ZNF469: variants seen among roughly 807,000 people sequenced by gnomAD.
ZNF469 encodes the protein zinc finger protein 469.
Under a neutral mutation model 1.0 loss-of-function variants are expected in ZNF469, and 1 was observed. That is an observed-to-expected ratio of 1.00 (90% CI 0.35 to 4.73). ZNF469 has a LOEUF of 4.73. Among genes scored for constraint, ZNF469 ranks in the 30% most tolerant of loss-of-function variants. ZNF469 has a pLI of 0.16. For synonymous variants in ZNF469, 2,703 were observed against 2,363.4 expected (o/e 1.14, Z -4.17); for missense variants, 6,100 against 5,356.3 (o/e 1.14, Z -4.33).
the ZNF469 span, among the ~76,000 whole-genome samples, chr16:88,142,738 G>A: frequency 1.7e-4 from 26 of 152,330 alleles, no homozygotes; most frequent in African/African-American, 5.3e-4. Context: ...CTCACCCTGC[G>A]GGGAGTCGGC....
chr16:88,200,978 C>A, the ZNF469 span, among the ~76,000 whole-genome samples: 7 of 152,318 alleles, frequency 4.6e-5, no homozygotes, highest in South Asian at 1.5e-3. Context: ...TGTGTGTGGG[C>A]GAGAGGGCCG....
chr16:88,102,553 G>C, the ZNF469 span, among the ~76,000 whole-genome samples: 2 of 152,362 alleles, frequency 1.3e-5, no homozygotes, highest in East Asian at 3.9e-4. Flanking sequence ...AACATGGGCA[G>C]GGCTTCTTGC....
the ZNF469 span, among the ~76,000 whole-genome samples, chr16:88,290,603 T>C: frequency 6.6e-6 from 1 of 152,324 alleles, no homozygotes. Context: ...GTCTGAACAA[T>C]CCTAGTACCG....
At chr16:88,289,285 GTGATGA>G in the ZNF469 span, among the ~76,000 whole-genome samples, 841 of 150,590 alleles carry the variant, frequency 5.6e-3, 6 homozygotes, top group African/African-American at 0.02. Context: ...GAGGGTGATG[GTGATGA>G]TGATGGTGAT....
chr16:88,389,972 GC>G (rs1904439408), intron 1 of ZNF469, among the ~76,000 whole-genome samples: 1 of 152,050 alleles, frequency 6.6e-6, no homozygotes, highest in Admixed American at 6.5e-5. Flanking sequence ...GGTGGGGTCG[GC>G]CTGCGGAGGG....
At chr16:88,161,714 GA>G in the ZNF469 span, among the ~76,000 whole-genome samples, 202 of 151,028 alleles carry the variant, frequency 1.3e-3, no homozygotes, top group African/African-American at 4.6e-3. Context: ...TTTGTAAGGG[GA>G]AAAAAAAAGC....
the ZNF469 span, among the ~76,000 whole-genome samples, chr16:88,101,827 CA>C: frequency 1.3e-5 from 2 of 152,138 alleles, no homozygotes; most frequent in African/African-American, 4.8e-5. Flanking sequence ...TCGCAGCTTC[CA>C]AACATAAACT....
At chr16:88,112,927 G>A in the ZNF469 span, among the ~76,000 whole-genome samples, 5 of 152,060 alleles carry the variant, frequency 3.3e-5, no homozygotes, top group East Asian at 1.9e-4. Flanking sequence ...ACAGGTGCCC[G>A]CCACCACGCC....
chr16:88,305,679 C>T, the ZNF469 span, among the ~76,000 whole-genome samples: 3 of 152,210 alleles, frequency 2.0e-5, no homozygotes, highest in Non-Finnish European at 2.9e-5. Context: ...CACACACATG[C>T]TCACATGCAC....
At chr16:88,384,557 C>A (rs555797750) in intron 1 of ZNF469, among the ~76,000 whole-genome samples, 2 of 152,138 alleles carry the variant, frequency 1.3e-5, no homozygotes, top group South Asian at 4.2e-4. Flanking sequence ...CCTGGCAGGT[C>A]CCAGACCACA....
At chr16:88,166,073 T>A in the ZNF469 span, among the ~76,000 whole-genome samples, 1 of 152,240 alleles carries the variant, frequency 6.6e-6, no homozygotes, top group Non-Finnish European at 1.5e-5. This position sits in a 1 kb window ranked among gnomAD's most constrained non-coding sequence, Gnocchi z 4.5. Flanking sequence ...CCGACCCTTG[T>A]CCCACGGTCA....
chr16:88,411,327 C>T (rs114064339), intron 1 of ZNF469, among the ~76,000 whole-genome samples: 1 of 152,172 alleles, frequency 6.6e-6, no homozygotes. Context: ...TGGGCCGAGG[C>T]CTCCAGAGCC....
At chr16:88,359,103 A>C in the ZNF469 span, among the ~76,000 whole-genome samples, 1 of 152,170 alleles carries the variant, frequency 6.6e-6, no homozygotes, top group Non-Finnish European at 1.5e-5. Flanking sequence ...TATTCAGAGG[A>C]TCTGTGGCAA....
chr16:88,395,513 T>C (rs1904634887), intron 1 of ZNF469, among the ~76,000 whole-genome samples: 1 of 152,316 alleles, frequency 6.6e-6, no homozygotes, highest in South Asian at 2.1e-4. Context: ...ATATAAATTA[T>C]ATAACTGATA....
the ZNF469 span, among the ~76,000 whole-genome samples, chr16:88,148,244 C>G: frequency 6.6e-6 from 1 of 152,156 alleles, no homozygotes; most frequent in Non-Finnish European, 1.5e-5. Context: ...TGGTGTTTTG[C>G]TCCTTCAGAG....
chr16:88,118,672 T>C, the ZNF469 span, among the ~76,000 whole-genome samples: 2 of 152,236 alleles, frequency 1.3e-5, no homozygotes, highest in South Asian at 4.1e-4. Flanking sequence ...ACGGCTTCCT[T>C]AGCAGAGGGG....
At chr16:88,313,437 G>T in the ZNF469 span, among the ~76,000 whole-genome samples, 1 of 152,190 alleles carries the variant, frequency 6.6e-6, no homozygotes, top group Non-Finnish European at 1.5e-5. Context: ...CAATCCTAGT[G>T]AATATCTCTG....
At chr16:88,346,888 C>T in the ZNF469 span, among the ~76,000 whole-genome samples, 1 of 152,240 alleles carries the variant, frequency 6.6e-6, no homozygotes, top group African/African-American at 2.4e-5. Context: ...AGACTTTCTT[C>T]AGAACCACAG....
At chr16:88,264,887 G>A in the ZNF469 span, among the ~76,000 whole-genome samples, 1 of 152,184 alleles carries the variant, frequency 6.6e-6, no homozygotes, top group South Asian at 2.1e-4. Context: ...GGGTCTGGGG[G>A]CTCCTGAGGG....
Sources: allele counts gnomAD v4.1 joint callset (sites outside exome capture counted in the v4.1 genomes callset), GRCh38; gene constraint gnomAD v4.1.1; non-coding constraint Gnocchi (gnomAD v3.1); transcripts MANE v1.5; gene names NCBI Gene and HGNC (gene_info 2026-07-23, HGNC 2026-07-21).